Variants in CNKSR2 observed in about 807,000 individuals in gnomAD.
CNKSR2 encodes CNK homolog protein 2.
CNKSR2 carries 14 observed loss-of-function variants against 84.4 expected under a neutral mutation model. That is an observed-to-expected ratio of 0.17 (90% CI 0.11 to 0.26). The LOEUF is 0.26. CNKSR2 is among the 10% of genes least tolerant of loss of function. CNKSR2 has a pLI of 1.00. For missense variants in CNKSR2, 485 were observed against 771.2 expected (o/e 0.63, Z 4.40); for synonymous variants, 275 against 277.9 (o/e 0.99, Z 0.10).
At chrX:21,497,280 C>G (rs1162755313) in intron 6 of CNKSR2, among the ~76,000 whole-genome samples, 2 of 110,953 alleles carry the variant, frequency 1.8e-5, no homozygotes, top group Non-Finnish European at 3.8e-5. Context: ...ATACAGGATA[C>G]TACAAAATAG....
intron 13 of CNKSR2, among the ~76,000 whole-genome samples, chrX:21,588,734 T>C (rs2092403258): frequency 8.9e-6 from 1 of 112,083 alleles, no homozygotes; most frequent in African/African-American, 3.2e-5. Flanking sequence ...TTCTACAGAA[T>C]AGCATGCAAA....
chrX:21,424,875 C>G (rs1365540757), intron 1 of CNKSR2: 1 of 111,664 alleles, frequency 9.0e-6, no homozygotes, highest in Non-Finnish European at 1.9e-5. Context: ...GTAATAGTAT[C>G]AATTTACATG....
intron 2 of CNKSR2, among the ~76,000 whole-genome samples, chrX:21,430,240 G>C (rs1601779267): frequency 9.0e-6 from 1 of 110,980 alleles, no homozygotes; most frequent in Non-Finnish European, 1.9e-5. Context: ...TATCCTTCCA[G>C]GTTTTGTCCG....
intron 17 of CNKSR2, among the ~76,000 whole-genome samples, chrX:21,599,342 GT>G (rs1569266572): frequency 3.0e-4 from 5 of 16,472 alleles, no homozygotes; most frequent in Non-Finnish European, 5.5e-4. Context: ...TTGTTTTGGT[GT>G]GTGTGTGTGT....
intron 5 of CNKSR2, among the ~76,000 whole-genome samples, chrX:21,487,837 G>C (rs2091401244): frequency 8.9e-6 from 1 of 112,078 alleles, no homozygotes; most frequent in African/African-American, 3.2e-5. Flanking sequence ...TCCAGGATGG[G>C]CCACATAATT....
intron 20 of CNKSR2, among the ~76,000 whole-genome samples, chrX:21,623,757 C>T (rs1297112620): frequency 1.8e-5 from 2 of 111,543 alleles, no homozygotes; most frequent in Non-Finnish European, 3.8e-5. Context: ...AACTCATTCA[C>T]GGATTTATAC....
At chrX:21,598,067 CAT>C (rs1252440221) in intron 17 of CNKSR2, among the ~76,000 whole-genome samples, 1 of 108,106 alleles carries the variant, frequency 9.3e-6, no homozygotes, top group Admixed American at 1.0e-4. Context: ...TATGTGTATA[CAT>C]ACACATACAC....
intron 20 of CNKSR2, among the ~76,000 whole-genome samples, chrX:21,628,341 C>T (rs1306071455): frequency 5.4e-5 from 6 of 111,367 alleles, no homozygotes; most frequent in African/African-American, 2.0e-4. Flanking sequence ...GTGGATCTAC[C>T]ATTCTGGGGT....
Position 21,536,829 on chromosome X carries a change from G to GTTT in CNKSR2, c.1303+4774_1303+4776dup, listed in dbSNP as rs57674975. ...TTTTCGTTTTGTTGGTCTTCTGTAG[G>GTTT]TTTTTTTTTTTTTTGTCTCTTTCAT... On this transcript the variant is annotated intron_variant, in intron 11 of 21. Transcript: ENST00000379510. Among the ~76,000 whole-genome samples, 539 of 93,087 alleles carry GTTT rather than the reference G, an allele frequency of 5.8e-3. 7 individuals carry two copies. The highest frequency in any genetic ancestry group is 0.02 in the African/African-American group (513 of 25,174). 80.8% of individuals were successfully genotyped at this position (93,087 alleles called of 115,157 possible). A position where few individuals can be genotyped will look rare whatever the true frequency, so the allele number is the denominator to read the frequency against.
In CNKSR2 at chrX:21,526,876, C is replaced by T; in HGVS notation, c.967C>T (p.Pro323Ser). 1 of 1,202,744 alleles carries T rather than the reference C, an allele frequency of 8.3e-7. No individual in the cohort carries two copies. Among genetic ancestry groups the T allele is most frequent in the Non-Finnish European group, 1.1e-6 (1 of 889,591 alleles). ...WKPLALQPLI[P>S]RSPTSSVATP... ...TTTTCATTTTAACCAGCCTCTTATACCTAGAAGTCCCACAAGCAGCGTTGC... is the reference window on the plus strand; with the variant it reads ...TTTTCATTTTAACCAGCCTCTTATATCTAGAAGTCCCACAAGCAGCGTTGC... The change falls in exon 10 of 22, where the codon CCT becomes TCT. Residue 323 changes from proline to serine, a missense_variant. By Grantham distance (74) the Pro-to-Ser change is moderately conservative. Coordinates refer to ENST00000379510, the MANE Select transcript of CNKSR2 (RefSeq NM_014927.5).
intron 1 of CNKSR2, among the ~76,000 whole-genome samples, chrX:21,388,390 C>T (rs1236186521): frequency 1.8e-5 from 2 of 111,696 alleles, no homozygotes; most frequent in African/African-American, 6.5e-5. Flanking sequence ...TCCTATTGAA[C>T]ATTTGAAAGT....
At chrX:21,416,503 A>G (rs946758290) in intron 1 of CNKSR2, among the ~76,000 whole-genome samples, 2 of 110,938 alleles carry the variant, frequency 1.8e-5, no homozygotes, top group Non-Finnish European at 3.8e-5. Flanking sequence ...TTTGGGTCAG[A>G]TTGGTATTAG....
At chrX:21,496,899 TA>T (rs760504783) in intron 6 of CNKSR2, among the ~76,000 whole-genome samples, 4 of 111,450 alleles carry the variant, frequency 3.6e-5, no homozygotes, top group African/African-American at 1.3e-4. Flanking sequence ...AAAATAAATT[TA>T]AAGTAACAAT....
chrX:21,479,476 A>G (rs1421606543), intron 5 of CNKSR2, among the ~76,000 whole-genome samples: 1 of 111,594 alleles, frequency 9.0e-6, no homozygotes, highest in African/African-American at 3.3e-5. Context: ...TTAAAGTGCA[A>G]TTATAGTCAC....
intron 13 of CNKSR2, among the ~76,000 whole-genome samples, chrX:21,589,168 A>G (rs145191810): frequency 0.016 from 1,826 of 112,491 alleles, 36 homozygotes; most frequent in African/African-American, 0.056. Context: ...ATACATATTT[A>G]TAATGCTTTA....
intron 1 of CNKSR2, among the ~76,000 whole-genome samples, chrX:21,420,156 T>C (rs2090475960): frequency 8.9e-6 from 1 of 112,343 alleles, no homozygotes; most frequent in African/African-American, 3.2e-5. Flanking sequence ...AGGCAGAGGA[T>C]CCCCACCCCA....
intron 3 of CNKSR2, among the ~76,000 whole-genome samples, chrX:21,438,777 A>C (rs1036710733): frequency 7.2e-5 from 8 of 111,405 alleles, no homozygotes; most frequent in Admixed American, 4.8e-4. Flanking sequence ...CAGAGGGTTA[A>C]TGTGTAATGT....
At chrX:21,482,147 A>AT (rs2091327302) in intron 5 of CNKSR2, among the ~76,000 whole-genome samples, 1 of 112,355 alleles carries the variant, frequency 8.9e-6, no homozygotes, top group South Asian at 3.7e-4. Flanking sequence ...CAAAAAATGT[A>AT]TTTTTTAAAG....
intron 1 of CNKSR2, among the ~76,000 whole-genome samples, chrX:21,384,651 ATTGT>A (rs896366563): frequency 8.9e-5 from 10 of 112,073 alleles, no homozygotes; most frequent in African/African-American, 3.2e-4. Flanking sequence ...TTGGAAAGAA[ATTGT>A]TTGACCTGGG....
Sources: gnomAD v4.1 joint callset for allele counts (sites outside exome capture counted in the v4.1 genomes callset) on GRCh38, gnomAD v4.1.1 for gene constraint, MANE v1.5 for transcripts, NCBI Gene and HGNC (gene_info 2026-07-23, HGNC 2026-07-21) for gene names.